NDST4: variants seen among roughly 807,000 people sequenced by gnomAD.
NDST4 encodes the protein N-deacetylase and N-sulfotransferase 4, also known as N-heparan sulfate sulfotransferase 4.
A neutral mutation model predicts 100.8 loss-of-function variants in NDST4; 63 were observed. That is an observed-to-expected ratio of 0.62 (90% CI 0.51 to 0.77). NDST4 has a LOEUF of 0.77. Ranked by LOEUF, NDST4 falls within the 30% of genes least tolerant of loss-of-function variation. NDST4 has a pLI of 0.00. For synonymous variants in NDST4, 377 were observed against 361.8 expected, an observed-to-expected ratio of 1.04 and a Z score of -0.48; for missense variants, 943 against 1,018.4, an observed-to-expected ratio of 0.93 and a Z score of 1.01.
intron 2 of NDST4, among the ~76,000 whole-genome samples, chr4:115,044,818 T>TCATGAAAATGACTGATAAAGA (rs1728430914): frequency 1.3e-5 from 2 of 151,068 alleles, no homozygotes; most frequent in Non-Finnish European, 2.9e-5. Flanking sequence ...CAGGTAAGTT[T>TCATGAAAATGACTGATAAAGA]CATGAAAATG....
At chr4:115,040,287 A>C (rs998475797) in intron 2 of NDST4, among the ~76,000 whole-genome samples, 1 of 149,842 alleles carries the variant, frequency 6.7e-6, no homozygotes, top group Non-Finnish European at 1.5e-5. Flanking sequence ...ATAACACAGT[A>C]AGGTACTATT....
intron 6 of NDST4, among the ~76,000 whole-genome samples, chr4:114,888,898 T>C (rs1724535507): frequency 6.6e-6 from 1 of 152,182 alleles, no homozygotes; most frequent in Non-Finnish European, 1.5e-5. Context: ...TTTCACTTTT[T>C]TGATGTTTTG....
intron 7 of NDST4, among the ~76,000 whole-genome samples, chr4:114,859,416 A>C (rs1723869271): frequency 1.3e-5 from 2 of 152,224 alleles, no homozygotes; most frequent in African/African-American, 4.8e-5. Flanking sequence ...AAATTTCCCC[A>C]GGCAGGAAGT....
intron 6 of NDST4, among the ~76,000 whole-genome samples, chr4:114,907,557 A>G (rs1724978348): frequency 6.6e-6 from 1 of 152,150 alleles, no homozygotes; most frequent in South Asian, 2.1e-4. Flanking sequence ...CACATTGTTG[A>G]AGCAAAAATC....
intron 2 of NDST4, among the ~76,000 whole-genome samples, chr4:115,033,159 T>TATATATA: frequency 8.4e-6 from 1 of 119,282 alleles, no homozygotes; most frequent in South Asian, 2.4e-4. Context: ...ATATATATAT[T>TATATATA]TTTTTTTTTT....
At chr4:115,060,860 C>T (rs561736) in intron 2 of NDST4, among the ~76,000 whole-genome samples, 37,968 of 151,590 alleles carry the variant, frequency 0.25, 6,549 homozygotes, top group African/African-American at 0.46. Context: ...AATGACATTA[C>T]AGAAAGGAAA....
At chr4:114,970,767 G>A (rs531923598) in intron 3 of NDST4, among the ~76,000 whole-genome samples, 183 bp from the exon 4 acceptor site, 4 of 152,236 alleles carry the variant, frequency 2.6e-5, no homozygotes, top group African/African-American at 9.6e-5. Flanking sequence ...CTTGGGATTA[G>A]GATGGGGTGA....
intron 2 of NDST4, among the ~76,000 whole-genome samples, chr4:115,000,341 T>G (rs568253715): frequency 6.6e-6 from 1 of 152,138 alleles, no homozygotes; most frequent in Admixed American, 6.6e-5. Flanking sequence ...ACCTTTCATT[T>G]TTTTTTATTT....
At chr4:115,006,059 G>A (rs1422402503) in intron 2 of NDST4, among the ~76,000 whole-genome samples, 6 of 138,222 alleles carry the variant, frequency 4.3e-5, no homozygotes, top group South Asian at 2.3e-4. Flanking sequence ...AGAAGAAGAA[G>A]AAGGAGAGAT....
At chr4:115,020,400 T>C (rs1439200438) in intron 2 of NDST4, among the ~76,000 whole-genome samples, 1 of 152,098 alleles carries the variant, frequency 6.6e-6, no homozygotes, top group African/African-American at 2.4e-5. Context: ...TGAACTAGGA[T>C]ATCTGGTGGA....
chr4:114,887,213 A>G (rs998219548), intron 6 of NDST4, among the ~76,000 whole-genome samples: 15 of 152,204 alleles, frequency 9.9e-5, no homozygotes, highest in African/African-American at 3.6e-4. Flanking sequence ...ACCTTTAAGA[A>G]TATCTGGGTC....
chr4:114,865,999 AG>A (rs1239989906), intron 7 of NDST4, among the ~76,000 whole-genome samples: 1 of 152,242 alleles, frequency 6.6e-6, no homozygotes, highest in African/African-American at 2.4e-5. Flanking sequence ...AATTTTGATT[AG>A]GAAAAAATAT....
At chr4:114,877,712 G>A (rs1321546404) in intron 6 of NDST4, among the ~76,000 whole-genome samples, 1 of 152,138 alleles carries the variant, frequency 6.6e-6, no homozygotes, top group Non-Finnish European at 1.5e-5. Context: ...ACTTTGGGAG[G>A]CTGGGCGGGC....
chr4:114,970,288 A>ATT, intron 4 of NDST4, 142 bp downstream of exon 4: 4 of 644,170 alleles, frequency 6.2e-6, no homozygotes, highest in Non-Finnish European at 1.0e-5. Flanking sequence ...ACAAAGTTAT[A>ATT]TGTACCCTCA....
At chr4:114,953,868 A>C (rs1726078345) in intron 4 of NDST4, among the ~76,000 whole-genome samples, 1 of 152,188 alleles carries the variant, frequency 6.6e-6, no homozygotes, top group South Asian at 2.1e-4. Context: ...TATTAACTAC[A>C]TGGATATAAA....
chr4:114,940,427 C>T (rs1042251002), intron 4 of NDST4, among the ~76,000 whole-genome samples: 1 of 152,152 alleles, frequency 6.6e-6, no homozygotes, highest in Non-Finnish European at 1.5e-5. Context: ...TTGATAATTC[C>T]TACTGATCAT....
At chr4:114,883,819 C>G (rs1338980178) in intron 6 of NDST4, among the ~76,000 whole-genome samples, 1 of 152,068 alleles carries the variant, frequency 6.6e-6, no homozygotes, top group Non-Finnish European at 1.5e-5. Flanking sequence ...GCTTTAGATT[C>G]TCGTAAGGAG....
chr4:115,071,240 C>T (rs535550627), intron 2 of NDST4, among the ~76,000 whole-genome samples: 1 of 151,626 alleles, frequency 6.6e-6, no homozygotes, highest in Non-Finnish European at 1.5e-5. Context: ...ATCTCTACCT[C>T]AAAATAGAAA....
intron 2 of NDST4, among the ~76,000 whole-genome samples, chr4:115,038,210 A>G (rs1481721319): frequency 6.6e-6 from 1 of 152,228 alleles, no homozygotes. Flanking sequence ...TAAATTTTAG[A>G]AAGTCCTATA....
Sources: gnomAD v4.1 joint callset for allele counts (sites outside exome capture counted in the v4.1 genomes callset) on GRCh38, gnomAD v4.1.1 for gene constraint, MANE v1.5 for transcripts, NCBI Gene and HGNC (gene_info 2026-07-23, HGNC 2026-07-21) for gene names.